The following ITGA3 variants were observed in gnomAD, a reference collection of about 807,000 sequenced individuals.
ITGA3 encodes integrin subunit alpha 3.
In ITGA3, 70 loss-of-function variants were observed where a neutral mutation model predicts 131.1. The ratio of observed to expected loss-of-function variants is 0.53; its 90% confidence interval spans 0.44 to 0.65. The LOEUF is 0.65. ITGA3 is among the 30% of genes least tolerant of loss of function. The probability of loss-of-function intolerance (pLI) is 0.00; values close to 1 mark genes in which losing one functional copy is unlikely to be tolerated. For missense variants in ITGA3, 1,098 were observed against 1,388.6 expected, an observed-to-expected ratio of 0.79 and a Z score of 3.33; for synonymous variants, 537 against 571.6, an observed-to-expected ratio of 0.94 and a Z score of 0.86.
chr17:50,084,906 C>A (rs529425677), intron 23 of ITGA3, among the ~76,000 whole-genome samples: 9 of 151,958 alleles, frequency 5.9e-5, no homozygotes, highest in East Asian at 1.9e-4. Context: ...CACAGTGAGA[C>A]CCTGTCTTAA....
At position 50,087,889 on chromosome 17, in the gene ITGA3, C is replaced by G. The variant is rs1471858759; in HGVS notation, c.3045+20C>G. The G allele has an allele frequency of 5.2e-6, 8 of 1,544,832 alleles. No homozygotes were observed. On this transcript the variant is annotated intron_variant, in intron 24 of 25. Coordinates refer to ENST00000320031, the MANE Select transcript of ITGA3 (RefSeq NM_002204.4). ...TGGAAGGTTAGTAGCCCAGCCCACT[C>G]CTGCTCCGGGACCTCCACCAGCACA...
chr17:50,056,615 A>G lies in ITGA3; in HGVS notation c.176A>G (p.His59Arg). The part of the protein sequence containing the change: ...GSLFGYSVAL[H>R]RQTERQQRYL... ...CTCTTCGGCTACTCGGTCGCCCTCC[A>G]TCGGCAGACAGAGCGGCAGCAGCGC... The change falls in exon 1 of 26, where the codon CAT becomes CGT. Residue 59 changes from histidine (H) to arginine (R), a missense_variant. Physicochemically the swap from His to Arg is conservative, Grantham distance 29. Coordinates refer to ENST00000320031, the MANE Select transcript of ITGA3 (RefSeq NM_002204.4). This position sits in a 1 kb window ranked among gnomAD's most constrained non-coding sequence, Gnocchi z 5.6. The G allele has an allele frequency of 6.2e-7, 1 of 1,602,732 alleles. No homozygotes were observed.
chr17:50,069,917 C>T (rs559920390), intron 4 of ITGA3, among the ~76,000 whole-genome samples: 2 of 152,278 alleles, frequency 1.3e-5, no homozygotes, highest in Non-Finnish European at 2.9e-5. Flanking sequence ...CCTTACTGAA[C>T]CTTTATTGTT....
intron 7 of ITGA3, 60 bp downstream of exon 7, chr17:50,072,242 C>T: frequency 1.4e-6 from 2 of 1,459,570 alleles, no homozygotes; most frequent in Non-Finnish European, 1.9e-6. Context: ...CCCAGCACCC[C>T]TACTGACTGA....
In ITGA3 at chr17:50,056,911, C is replaced by G. The variant is rs992277366; in HGVS notation, c.206+266C>G. Reference sequence around the variant, plus strand: ...TCTCATGAGAGCGGAAGTGGGGTCCCGGTGGCTGAGTCCTCTCCCATTCTG... The same window carrying G: ...TCTCATGAGAGCGGAAGTGGGGTCCGGGTGGCTGAGTCCTCTCCCATTCTG... On this transcript the variant is annotated intron_variant, in intron 1 of 25. Transcript: ENST00000320031. This position sits in a 1 kb window ranked among gnomAD's most constrained non-coding sequence, Gnocchi z 5.6. 2.6e-5 allele frequency among the ~76,000 whole-genome samples: 4 copies of G among 152,132 alleles called. 1 individual carries two copies. The highest frequency in any genetic ancestry group is 1.3e-4 in the Admixed American group (2 of 15,272).
intron 1 of ITGA3, among the ~76,000 whole-genome samples, chr17:50,058,723 G>T (rs531634965): frequency 5.3e-5 from 8 of 152,364 alleles, no homozygotes; most frequent in Admixed American, 2.0e-4. Context: ...TCGGCCATTT[G>T]GGAGAGCCAG....
chr17:50,056,745 G>C lies in ITGA3; in HGVS notation c.206+100G>C, dbSNP rs937800218. ...GGAGCCCAGGGCAGCTGGCCCTTGG[G>C]AGCCAGGATTAAGGGGCGGCCCTCT... On this transcript the variant is annotated intron_variant, in intron 1 of 25. Transcript: ENST00000320031. The surrounding 1 kb of genome is among the most constrained non-coding windows in gnomAD (Gnocchi z 5.6). The C allele has an allele frequency of 4.0e-6, 5 of 1,253,470 alleles. No individual in the cohort carries two copies. In the African/African-American group the frequency reaches 7.5e-5, roughly 19 times the overall value. The allele number at this position is 1,253,470 out of a possible 1,614,324, so 77.6% of individuals were successfully genotyped here. A position where few individuals can be genotyped will look rare whatever the true frequency, so the allele number is the denominator to read the frequency against.
intron 1 of ITGA3, among the ~76,000 whole-genome samples, chr17:50,057,556 C>T (rs1907887495): frequency 6.6e-6 from 1 of 152,220 alleles, no homozygotes; most frequent in Admixed American, 6.5e-5. Flanking sequence ...GGTCTCTCTG[C>T]CGTGGCCTCA....
chr17:50,086,658 C>T (rs2144321611), intron 23 of ITGA3: 1 of 137,310 alleles, frequency 7.3e-6, no homozygotes, highest in African/African-American at 2.7e-5. Context: ...CACTGCACTC[C>T]ACCCTCAGCA....
At chr17:50,087,950 C>T (rs1414923517) in intron 24 of ITGA3, 81 bp downstream of exon 24, 2 of 1,463,006 alleles carry the variant, frequency 1.4e-6, no homozygotes, top group Non-Finnish European at 1.8e-6. Flanking sequence ...GTCTCCCCAT[C>T]CTGGTCCTCC....
intron 16 of ITGA3, 170 bp from the exon 17 acceptor site, chr17:50,077,876 G>A: frequency 1.7e-6 from 1 of 594,700 alleles, no homozygotes; most frequent in Non-Finnish European, 3.0e-6. Flanking sequence ...AGAGAAAGGG[G>A]GAAAGGGAGG....
intron 1 of ITGA3, among the ~76,000 whole-genome samples, chr17:50,060,677 C>A (rs1414817994): frequency 6.6e-6 from 1 of 151,924 alleles, no homozygotes; most frequent in Admixed American, 6.5e-5. Context: ...GGTCTCTGCT[C>A]CCCCCAGTCC....
chr17:50,071,071 C>T (rs1598186566), intron 5 of ITGA3, 141 bp downstream of exon 5: 1 of 734,518 alleles, frequency 1.4e-6, no homozygotes, highest in East Asian at 2.5e-5. Flanking sequence ...ACCTGTATGC[C>T]AGGCCCTGTT....
chr17:50,062,877 A>G (rs1345369010), intron 1 of ITGA3, among the ~76,000 whole-genome samples: 1 of 152,228 alleles, frequency 6.6e-6, no homozygotes, highest in Non-Finnish European at 1.5e-5. Context: ...CCACCCGAGA[A>G]GGCCAGGGCC....
rs767079759 is a variant in ITGA3 at position 50,078,917 on chromosome 17, T to C, written c.2391T>C (p.Tyr797=). The C allele has an allele frequency of 2.2e-5, 35 of 1,604,220 alleles. No individual in the cohort carries two copies. The highest frequency in any genetic ancestry group is 5.0e-5 in the Admixed American group (3 of 59,974). The change falls in exon 19 of 26, where the codon TAT becomes TAC. Residue 797 remains tyrosine (Y), a synonymous_variant. Transcript: ENST00000320031. ...AGGATGTAGGAAGCCCCCTCAAGTA[T>C]GAATTCCAGGTAAGGGGCTCGCCAG... ...TVEDVGSPLK[Y]EFQVGPMGEG... is the part of the protein sequence containing the mutation.
At position 50,064,548 on chromosome 17, in the gene ITGA3, A is replaced by G. The variant is rs866575640; in HGVS notation, c.355A>G (p.Ile119Val). The G allele has an allele frequency of 1.2e-6, 2 of 1,612,962 alleles. No individual in the cohort carries two copies. Among genetic ancestry groups the G allele is most frequent in the East Asian group, 2.2e-5 (1 of 44,852 alleles). The change falls in exon 3 of 26, where the codon ATT becomes GTT. Residue 119 changes from isoleucine to valine, a missense_variant. Coordinates refer to ENST00000320031, the MANE Select transcript of ITGA3 (RefSeq NM_002204.4). The surrounding 1 kb of genome is among the most constrained non-coding windows in gnomAD (Gnocchi z 4.4). The part of the protein sequence containing the change: ...TVKNDPGHHI[I>V]EDMWLGVTVA... ...CACAGATGACCCTGGCCATCACATT[A>G]TTGAGGACATGTGGCTTGGAGTGAC...
intron 25 of ITGA3, among the ~76,000 whole-genome samples, 176 bp downstream of exon 25, chr17:50,088,542 A>G (rs916030773): frequency 6.6e-6 from 1 of 152,136 alleles, no homozygotes; most frequent in East Asian, 1.9e-4. Flanking sequence ...TCTGGCTTTC[A>G]TCAGCCTCCC....
chr17:50,090,107 G>T lies in ITGA3; in HGVS notation c.*1029G>T. ...CACCACTACCAGCCAGCCTCAGAAGGCCCCAGAGAGACCCTGCAAGACCAC... is the reference window on the plus strand; with the variant it reads ...CACCACTACCAGCCAGCCTCAGAAGTCCCCAGAGAGACCCTGCAAGACCAC... On this transcript the variant is annotated 3_prime_UTR_variant, in exon 26 of 26. Coordinates refer to ENST00000320031, the MANE Select transcript of ITGA3 (RefSeq NM_002204.4). 1 of 382,740 alleles carries T rather than the reference G, an allele frequency of 2.6e-6. No homozygotes were observed. Among genetic ancestry groups the T allele is most frequent in the South Asian group, 1.8e-5 (1 of 54,890 alleles). The allele number at this position is 382,740 out of a possible 1,614,324, so 23.7% of individuals were successfully genotyped here.
chr17:50,079,192 T>G lies in ITGA3; in HGVS notation c.2517T>G (p.His839Gln). ...TGTATCCCACGGAGATCACCGTCCA[T>G]GGCAATGGGTCCTGGCCCTGCCGAC... ...WLLYPTEITV[H>Q]GNGSWPCRPP... The change falls in exon 20 of 26, where the codon CAT (histidine) becomes CAG (glutamine). Residue 839 changes from histidine to glutamine, a missense_variant. Physicochemically the swap from His to Gln is conservative, Grantham distance 24. Around this residue, in one of 3 missense-constraint regions of ITGA3, gnomAD observed 699 missense variants for 829.2 expected, o/e 0.84. Coordinates refer to ENST00000320031, the MANE Select transcript of ITGA3 (RefSeq NM_002204.4). 1 of 1,614,058 alleles carries G rather than the reference T, an allele frequency of 6.2e-7. No homozygotes were observed. Among genetic ancestry groups the G allele is most frequent in the Non-Finnish European group, 8.5e-7 (1 of 1,179,982 alleles).
Sources: allele counts gnomAD v4.1 joint callset (sites outside exome capture counted in the v4.1 genomes callset), GRCh38; gene constraint gnomAD v4.1.1; regional missense constraint gnomAD v4.1.1; non-coding constraint Gnocchi (gnomAD v3.1); transcripts MANE v1.5; gene names NCBI Gene and HGNC (gene_info 2026-07-23, HGNC 2026-07-21).